The following KALRN variants were observed in gnomAD, a reference collection of about 807,000 sequenced individuals.
The protein encoded by KALRN is kalirin.
In KALRN, 70 loss-of-function variants were observed where a neutral mutation model predicts 353.7. The observed-to-expected ratio is 0.20, with a 90% CI of 0.16 to 0.24. KALRN has a LOEUF of 0.24. Among genes scored for constraint, KALRN ranks in the 10% least tolerant of loss-of-function variants. The pLI is 1.00. For missense variants in KALRN, 2,791 were observed against 3,756.7 expected (o/e 0.74, Z 6.72); for synonymous variants, 1,391 against 1,434.8 (o/e 0.97, Z 0.69).
intron 25 of KALRN, among the ~76,000 whole-genome samples, chr3:124,468,648 T>A (rs2060588815): frequency 6.6e-6 from 1 of 152,200 alleles, no homozygotes; most frequent in South Asian, 2.1e-4. Flanking sequence ...ATAATCTAGT[T>A]CTCCCTTGCT....
At chr3:124,373,424 C>T (rs534052889) in intron 10 of KALRN, among the ~76,000 whole-genome samples, 37 of 152,314 alleles carry the variant, frequency 2.4e-4, no homozygotes, top group Admixed American at 1.1e-3. Context: ...CAGGACAGCC[C>T]GTGTTTGTTT....
rs1249575831 is a variant in KALRN at position 124,085,449 on chromosome 3, T to C, written c.73+51636T>C. 2.0e-5 allele frequency among the ~76,000 whole-genome samples: 3 copies of C among 152,182 alleles called. No homozygotes were observed. The East Asian group carries it at 5.8e-4, about 29-fold the overall frequency. On this transcript the variant is annotated intron_variant, in intron 1 of 59. Coordinates refer to ENST00000682506, the MANE Select transcript of KALRN (RefSeq NM_001388419.1). ...GTTATGGAGAACCCATCCTGACTCT[T>C]GTGGTAAATAAGGGATGTGGAACAA...
At chr3:124,664,673 T>C (rs2150289131) in intron 45 of KALRN, among the ~76,000 whole-genome samples, 1 of 152,328 alleles carries the variant, frequency 6.6e-6, no homozygotes, top group South Asian at 2.1e-4. Context: ...CCTCCCAAAG[T>C]GCTAGGATTA....
At chr3:124,120,714 AT>A (rs2063906240) in intron 1 of KALRN, among the ~76,000 whole-genome samples, 64 of 18,572 alleles carry the variant, frequency 3.4e-3, no homozygotes, top group East Asian at 9.8e-3. Flanking sequence ...TACTAAAAAT[AT>A]ATATATATAT....
At chr3:124,554,651 C>CT (rs2070982516) in intron 33 of KALRN, among the ~76,000 whole-genome samples, 2 of 152,000 alleles carry the variant, frequency 1.3e-5, no homozygotes, top group African/African-American at 4.8e-5. Flanking sequence ...GTTCCTGGTC[C>CT]TTTTTCTGTT....
chr3:124,033,637 G>C lies in KALRN; in HGVS notation c.-104G>C, dbSNP rs1019220303. On this transcript the variant is annotated 5_prime_UTR_variant, in exon 1 of 60. Transcript: ENST00000682506. The surrounding 1 kb of genome is among the most constrained non-coding windows in gnomAD (Gnocchi z 6.2). ...AAGCTCCGCGGCCGCCAGCTCTGCG[G>C]CCGCAGCAGCTGCGCCCCGCGCCCT... 6.6e-6 allele frequency among the ~76,000 whole-genome samples: 1 copy of C among 151,688 alleles called. No homozygotes were observed. Among genetic ancestry groups the C allele is most frequent in the Non-Finnish European group, 1.5e-5 (1 of 67,880 alleles).
intron 33 of KALRN, among the ~76,000 whole-genome samples, chr3:124,527,332 G>C (rs1395802930): frequency 1.3e-5 from 2 of 152,266 alleles, no homozygotes; most frequent in East Asian, 3.9e-4. Flanking sequence ...AAGATTGGCT[G>C]GGCATGGTGG....
Position 124,633,930 on chromosome 3 carries a change from AACG to A in KALRN, c.5548_5550del (p.Asp1850del). On this transcript the variant is annotated inframe_deletion, in exon 36 of 60. Coordinates refer to ENST00000682506, the MANE Select transcript of KALRN (RefSeq NM_001388419.1). ...CCCACCACCTATGAAGATTTTTGAC[AACG>A]ACCCTACACAGGATGAAATGGTAGA... The A allele has an allele frequency of 4.3e-6, 7 of 1,613,984 alleles. No individual in the cohort carries two copies. Among genetic ancestry groups the A allele is most frequent in the Non-Finnish European group, 5.9e-6 (7 of 1,179,918 alleles).
At chr3:124,463,895 G>A (rs2060085666) in intron 25 of KALRN, among the ~76,000 whole-genome samples, 1 of 152,150 alleles carries the variant, frequency 6.6e-6, no homozygotes, top group South Asian at 2.1e-4. Flanking sequence ...GATTATTGAA[G>A]CAATACGCTC....
intron 58 of KALRN, among the ~76,000 whole-genome samples, chr3:124,716,057 AG>A (rs1579089567): frequency 6.6e-6 from 1 of 152,156 alleles, no homozygotes; most frequent in East Asian, 1.9e-4. Context: ...CCCACTTTAA[AG>A]ATGGTTCACT....
intron 1 of KALRN, among the ~76,000 whole-genome samples, chr3:124,085,020 G>A (rs2060735475): frequency 6.6e-6 from 1 of 152,194 alleles, no homozygotes; most frequent in Admixed American, 6.5e-5. Context: ...GTCACAGTCA[G>A]CTTTCACCTT....
At chr3:124,598,573 C>T (rs1404396372) in intron 34 of KALRN, among the ~76,000 whole-genome samples, 1 of 152,114 alleles carries the variant, frequency 6.6e-6, no homozygotes, top group Non-Finnish European at 1.5e-5. Flanking sequence ...AGAGGGGCAT[C>T]ATATATAGGT....
chr3:124,696,403 T>A, intron 54 of KALRN, 148 bp downstream of exon 54: 1 of 583,770 alleles, frequency 1.7e-6, no homozygotes, highest in South Asian at 3.5e-5. Flanking sequence ...CCCGATTAGC[T>A]GGACATGCAC....
chr3:124,170,831 C>CTTTTTTTTTTTTTTTTTTTTTTT (rs752783614), intron 1 of KALRN, among the ~76,000 whole-genome samples: 1 of 47,118 alleles, frequency 2.1e-5, no homozygotes, highest in African/African-American at 8.0e-5. Context: ...CTTCCACATT[C>CTTTTTTTTTTTTTTTTTTTTTTT]TTTTTTTTTT....
chr3:124,463,047 C>T (rs2059997924), intron 25 of KALRN, among the ~76,000 whole-genome samples: 2 of 152,210 alleles, frequency 1.3e-5, no homozygotes, highest in South Asian at 2.1e-4. Context: ...CCTCCATCCT[C>T]ATTTTATTTC....
At chr3:124,371,056 A>C (rs1275136603) in intron 10 of KALRN, among the ~76,000 whole-genome samples, 1 of 152,196 alleles carries the variant, frequency 6.6e-6, no homozygotes, top group Non-Finnish European at 1.5e-5. Flanking sequence ...TCTTCCACCC[A>C]AGCTTCACCA....
chr3:124,191,816 C>T (rs572871287), intron 1 of KALRN, among the ~76,000 whole-genome samples: 1 of 152,212 alleles, frequency 6.6e-6, no homozygotes, highest in African/African-American at 2.4e-5. Flanking sequence ...TTTAGGAGTC[C>T]CAGAATGTCT....
At chr3:124,227,915 G>A in intron 1 of KALRN, 75 bp from the exon 2 acceptor site, 1 of 1,162,056 alleles carries the variant, frequency 8.6e-7, no homozygotes, top group South Asian at 1.2e-5. Flanking sequence ...GGGATTGGGA[G>A]ACTGAGGATG....
rs2090063348 is a variant in KALRN at position 124,395,606 on chromosome 3, A to T, written c.2171+263A>T. On this transcript the variant is annotated intron_variant, in intron 12 of 59. Transcript: ENST00000682506. The stretch of plus-strand genomic sequence containing the variant: ...TCAGTAAGTAACATAAATACAACAA[A>T]AATTAACAAAAGACAAAAAAAACAA... 1.3e-5 allele frequency: 6 copies of T among 448,136 alleles called. No individual in the cohort carries two copies. The Admixed American group carries it at 1.9e-4, about 14-fold the overall frequency. 27.8% of individuals were successfully genotyped at this position (448,136 alleles called of 1,614,324 possible). A position where few individuals can be genotyped will look rare whatever the true frequency, so the allele number is the denominator to read the frequency against.
Sources: allele counts gnomAD v4.1 joint callset (sites outside exome capture counted in the v4.1 genomes callset), GRCh38; gene constraint gnomAD v4.1.1; non-coding constraint Gnocchi (gnomAD v3.1); transcripts MANE v1.5; gene names NCBI Gene and HGNC (gene_info 2026-07-23, HGNC 2026-07-21).